The following GABRG3 variants were observed in gnomAD, a reference collection of about 807,000 sequenced individuals.
The protein encoded by GABRG3 is gamma-aminobutyric acid receptor subunit gamma-3.
A neutral mutation model predicts 48.8 loss-of-function variants in GABRG3; 25 were observed. The observed-to-expected ratio is 0.51, with a 90% CI of 0.37 to 0.72. The LOEUF is 0.72. Ranked by LOEUF, GABRG3 falls within the 30% of genes least tolerant of loss-of-function variation. The pLI is 0.00. For synonymous variants in GABRG3, 227 were observed against 217.6 expected, an observed-to-expected ratio of 1.04 and a Z score of -0.38; for missense variants, 394 against 577.9, an observed-to-expected ratio of 0.68 and a Z score of 3.26.
At chr15:27,167,662 A>AGCT (rs1446484870) in intron 3 of GABRG3, among the ~76,000 whole-genome samples, 2 of 152,196 alleles carry the variant, frequency 1.3e-5, no homozygotes, top group Non-Finnish European at 2.9e-5. Context: ...CAGAGGAAAC[A>AGCT]GCTGCTCCTC....
At position 27,389,211 on chromosome 15, in the gene GABRG3, C is replaced by T. The variant is rs574741490; in HGVS notation, c.574+60323C>T. 1.4e-3 allele frequency among the ~76,000 whole-genome samples: 207 copies of T among 152,144 alleles called. 1 individual carries two copies. The highest frequency in any genetic ancestry group is 4.8e-3 in the African/African-American group (198 of 41,512). ...TTCCATTTCATTAAAATAGAAAATACGAATGAAAGCAACAGAAGCTACAGA... is the reference window on the plus strand; with the variant it reads ...TTCCATTTCATTAAAATAGAAAATATGAATGAAAGCAACAGAAGCTACAGA... On this transcript the variant is annotated intron_variant, in intron 5 of 9. Transcript: ENST00000615808.
chr15:27,083,425 C>T (rs927316948), intron 3 of GABRG3, among the ~76,000 whole-genome samples: 8 of 151,716 alleles, frequency 5.3e-5, no homozygotes, highest in African/African-American at 7.3e-5. Flanking sequence ...CTCCGCCACC[C>T]GGATTCAAGC....
chr15:27,407,852 T>C (rs1415665650), intron 5 of GABRG3, among the ~76,000 whole-genome samples: 1 of 152,206 alleles, frequency 6.6e-6, no homozygotes, highest in African/African-American at 2.4e-5. Context: ...AGAGAATTTT[T>C]TGGGCATTGA....
chr15:27,296,827 T>C (rs1177030378), intron 3 of GABRG3, among the ~76,000 whole-genome samples: 2 of 149,754 alleles, frequency 1.3e-5, no homozygotes, highest in Non-Finnish European at 3.0e-5. Context: ...TTTATCTTTT[T>C]TGTAAAATGT....
At chr15:27,388,219 A>G (rs1595721240) in intron 5 of GABRG3, among the ~76,000 whole-genome samples, 3 of 74,662 alleles carry the variant, frequency 4.0e-5, no homozygotes, top group Admixed American at 1.4e-4. Flanking sequence ...GAAAGGAGGA[A>G]GGAAGGAAAG....
chr15:27,052,957 C>T (rs1896479953), intron 3 of GABRG3, among the ~76,000 whole-genome samples: 1 of 152,072 alleles, frequency 6.6e-6, no homozygotes, highest in South Asian at 2.1e-4. Context: ...AACAGGCTAG[C>T]CACATGCGGA....
intron 3 of GABRG3, among the ~76,000 whole-genome samples, chr15:27,210,331 A>T (rs930829604): frequency 6.6e-6 from 1 of 152,190 alleles, no homozygotes; most frequent in Non-Finnish European, 1.5e-5. Context: ...GTGAGTTTAG[A>T]TGAGTAATCA....
chr15:27,389,868 C>A (rs565631212), intron 5 of GABRG3, among the ~76,000 whole-genome samples: 1 of 152,100 alleles, frequency 6.6e-6, no homozygotes, highest in Non-Finnish European at 1.5e-5. Context: ...TTAAAAGCAG[C>A]GCAAAATATG....
chr15:27,400,663 A>G (rs954803608), intron 5 of GABRG3, among the ~76,000 whole-genome samples: 1 of 152,178 alleles, frequency 6.6e-6, no homozygotes, highest in Non-Finnish European at 1.5e-5. Context: ...CTAGATGAGG[A>G]TGTGCAGATT....
At chr15:27,156,804 T>A (rs1898440817) in intron 3 of GABRG3, among the ~76,000 whole-genome samples, 1 of 152,214 alleles carries the variant, frequency 6.6e-6, no homozygotes, top group African/African-American at 2.4e-5. Flanking sequence ...AATAGGGCCA[T>A]GAACATTTGG....
At chr15:27,380,828 T>C (rs1327900774) in intron 5 of GABRG3, among the ~76,000 whole-genome samples, 3 of 148,580 alleles carry the variant, frequency 2.0e-5, no homozygotes, top group African/African-American at 7.4e-5. Context: ...TGCAGTGGCG[T>C]AATCTCGGCT....
At chr15:27,062,066 TC>T (rs1566924104) in intron 3 of GABRG3, among the ~76,000 whole-genome samples, 1 of 152,156 alleles carries the variant, frequency 6.6e-6, no homozygotes, top group Admixed American at 6.5e-5. Flanking sequence ...TGGGCTGCCT[TC>T]CGGGCAACTG....
chr15:27,132,740 A>AT (rs1297677396), intron 3 of GABRG3, among the ~76,000 whole-genome samples: 1 of 147,888 alleles, frequency 6.8e-6, no homozygotes, highest in Non-Finnish European at 1.5e-5. Context: ...AATTTTGTTG[A>AT]TTTTTTTCAA....
intron 4 of GABRG3, 82 bp downstream of exon 4, chr15:27,327,111 T>A: frequency 8.3e-7 from 1 of 1,208,126 alleles, no homozygotes; most frequent in Non-Finnish European, 1.2e-6. Flanking sequence ...TGAGACCCTA[T>A]TTTCATCTCT....
At chr15:27,308,677 G>A (rs188623964) in intron 3 of GABRG3, among the ~76,000 whole-genome samples, 29 of 148,484 alleles carry the variant, frequency 2.0e-4, no homozygotes, top group East Asian at 1.7e-3. Context: ...GTAAACATAC[G>A]CTTATGTATA....
At chr15:27,435,043 C>A (rs1313128642) in intron 5 of GABRG3, among the ~76,000 whole-genome samples, 1 of 152,080 alleles carries the variant, frequency 6.6e-6, no homozygotes, top group Non-Finnish European at 1.5e-5. Flanking sequence ...GCTCACTCCC[C>A]TCTCTTTCTG....
chr15:27,097,874 C>T (rs1247420162), intron 3 of GABRG3, among the ~76,000 whole-genome samples: 3 of 151,356 alleles, frequency 2.0e-5, no homozygotes, highest in Non-Finnish European at 2.9e-5. Flanking sequence ...TGATAAATGA[C>T]ATTATGATAA....
chr15:27,008,442 A>T (rs1895626558), intron 2 of GABRG3, among the ~76,000 whole-genome samples: 1 of 152,218 alleles, frequency 6.6e-6, no homozygotes, highest in Non-Finnish European at 1.5e-5. Flanking sequence ...ATAGATGAAC[A>T]GTTCTTCCAA....
intron 2 of GABRG3, among the ~76,000 whole-genome samples, chr15:27,002,265 T>C (rs909653250): frequency 2.0e-5 from 3 of 152,202 alleles, no homozygotes; most frequent in Non-Finnish European, 2.9e-5. Context: ...CTGTCAGGGC[T>C]CACTGGCCCA....
Sources: allele counts gnomAD v4.1 joint callset (sites outside exome capture counted in the v4.1 genomes callset), GRCh38; gene constraint gnomAD v4.1.1; transcripts MANE v1.5; gene names NCBI Gene and HGNC (gene_info 2026-07-23, HGNC 2026-07-21).